The following IL1RAPL2 variants were observed in gnomAD, a reference collection of about 807,000 sequenced individuals.
IL1RAPL2 encodes interleukin 1 receptor accessory protein like 2.
In IL1RAPL2, 3 loss-of-function variants were observed where a neutral mutation model predicts 44.1. The observed-to-expected ratio is 0.07, with a 90% CI of 0.03 to 0.18. The LOEUF is 0.18. IL1RAPL2 is among the 10% of genes least tolerant of loss of function. The pLI is 1.00. For missense variants in IL1RAPL2, 391 were observed against 496.4 expected (o/e 0.79, Z 2.02); for synonymous variants, 181 against 178.8 (o/e 1.01, Z -0.10).
chrX:104,651,547 C>T (rs1350050330), intron 1 of IL1RAPL2, among the ~76,000 whole-genome samples: 1 of 111,748 alleles, frequency 8.9e-6, no homozygotes, highest in Non-Finnish European at 1.9e-5. Flanking sequence ...GGTCCCTACA[C>T]ACTGTCAGCT....
At chrX:105,737,127 G>A (rs1244511045) in intron 7 of IL1RAPL2, among the ~76,000 whole-genome samples, 1 of 111,392 alleles carries the variant, frequency 9.0e-6, no homozygotes, top group Non-Finnish European at 1.9e-5. Context: ...ACTAACACAG[G>A]AACAGAAAAC....
intron 2 of IL1RAPL2, among the ~76,000 whole-genome samples, chrX:104,906,380 G>A (rs1214219527): frequency 1.2e-4 from 13 of 110,672 alleles, no homozygotes; most frequent in Non-Finnish European, 2.3e-4. Flanking sequence ...CCTGTCTTGT[G>A]CCTGTTTTCA....
chrX:104,575,292 G>A (rs1474545504), intron 1 of IL1RAPL2, among the ~76,000 whole-genome samples: 1 of 111,275 alleles, frequency 9.0e-6, no homozygotes, highest in Non-Finnish European at 1.9e-5. Context: ...ACAAACAATT[G>A]TAATATTTGA....
intron 6 of IL1RAPL2, among the ~76,000 whole-genome samples, chrX:105,576,974 G>GA (rs1020129298): frequency 9.0e-6 from 1 of 110,976 alleles, no homozygotes; most frequent in African/African-American, 3.3e-5. Flanking sequence ...TAGTTGCAGG[G>GA]AAAAAAATTA....
intron 6 of IL1RAPL2, among the ~76,000 whole-genome samples, chrX:105,500,985 G>T (rs1030801593): frequency 9.0e-6 from 1 of 111,542 alleles, no homozygotes; most frequent in African/African-American, 3.3e-5. Flanking sequence ...TCCTGTCCCA[G>T]CATGTATAGT....
intron 2 of IL1RAPL2, among the ~76,000 whole-genome samples, chrX:104,839,909 T>G (rs1256857560): frequency 8.9e-6 from 1 of 111,872 alleles, no homozygotes; most frequent in Non-Finnish European, 1.9e-5. Flanking sequence ...TCAGTGGTGA[T>G]ATGTCCTTTA....
chrX:104,941,572 T>A lies in IL1RAPL2; in HGVS notation c.83-253903T>A, dbSNP rs764737069. On this transcript the variant is annotated intron_variant, in intron 2 of 10. Transcript: ENST00000372582. ...TTTGATTTTTTCTTGTAAATTTGTT[T>A]AAGTTCTTTGTAGATTCTGGATATT... is the stretch of plus-strand genomic sequence containing the variant. Among the ~76,000 whole-genome samples, 40 of 111,937 alleles carry A rather than the reference T, an allele frequency of 3.6e-4. No homozygotes were observed. In the South Asian group the frequency reaches 0.015, roughly 42 times the overall value.
chrX:105,676,105 T>A (rs1043123398), intron 6 of IL1RAPL2: 7 of 111,698 alleles, frequency 6.3e-5, no homozygotes, highest in African/African-American at 2.3e-4. Flanking sequence ...TTGCGTGACA[T>A]CCTTGTGCAG....
chrX:104,615,584 T>G (rs777520317), intron 1 of IL1RAPL2, among the ~76,000 whole-genome samples: 1 of 111,992 alleles, frequency 8.9e-6, no homozygotes, highest in African/African-American at 3.2e-5. Context: ...CTGCATATTA[T>G]TCCATGGTGT....
intron 5 of IL1RAPL2, among the ~76,000 whole-genome samples, chrX:105,384,369 C>G (rs1005245525): frequency 5.4e-5 from 6 of 111,586 alleles, no homozygotes. Context: ...GTAGACGATC[C>G]TTTCCCCAAT....
chrX:105,591,015 G>A (rs1446946162), intron 6 of IL1RAPL2, among the ~76,000 whole-genome samples: 1 of 110,220 alleles, frequency 9.1e-6, no homozygotes, highest in Non-Finnish European at 1.9e-5. Context: ...ACATCTGGTA[G>A]AATTTGGCTG....
At chrX:104,673,706 G>A (rs1226642779) in intron 2 of IL1RAPL2, among the ~76,000 whole-genome samples, 24 of 109,672 alleles carry the variant, frequency 2.2e-4, no homozygotes, top group Admixed American at 1.5e-3. Context: ...CCATTTTCAC[G>A]ATATTGATTC....
Position 105,758,112 on chromosome X carries a change from G to A in IL1RAPL2, c.1363+2765G>A, listed in dbSNP as rs745462179. Among the ~76,000 whole-genome samples, 4 of 111,134 alleles carry A rather than the reference G, an allele frequency of 3.6e-5. No individual in the cohort carries two copies. In the South Asian group the frequency reaches 1.5e-3, roughly 43 times the overall value. On this transcript the variant is annotated intron_variant, in intron 10 of 10. Transcript: ENST00000372582. ...AAACCTAGTTACAGTATTATAAGCTGTGTTTGTCCCTCACATCTCATTTAA... is the reference window on the plus strand; with the variant it reads ...AAACCTAGTTACAGTATTATAAGCTATGTTTGTCCCTCACATCTCATTTAA...
In IL1RAPL2 at chrX:105,667,155, A is replaced by G. The variant is rs772670117; in HGVS notation, c.773-50212A>G. 8.4e-4 allele frequency among the ~76,000 whole-genome samples: 94 copies of G among 112,139 alleles called. No individual in the cohort carries two copies. The South Asian group carries it at 0.034, about 40-fold the overall frequency. On this transcript the variant is annotated intron_variant, in intron 6 of 10. Coordinates refer to ENST00000372582, the MANE Select transcript of IL1RAPL2 (RefSeq NM_017416.2). ...GAAGAATATTTTTTTCCAATTTTAC[A>G]TATGAACAATAAACCAATAGCACAA...
chrX:105,340,232 A>G lies in IL1RAPL2; in HGVS notation c.697+72691A>G, dbSNP rs192361343. On this transcript the variant is annotated intron_variant, in intron 5 of 10. Coordinates refer to ENST00000372582, the MANE Select transcript of IL1RAPL2 (RefSeq NM_017416.2). ...TTCATCCTTCTGATTGCTCACACCA[A>G]AATTCTTGGAGTCATCCTTGACTCA... 5.0e-3 allele frequency among the ~76,000 whole-genome samples: 559 copies of G among 110,883 alleles called. 5 individuals are homozygous for G. The highest frequency in any genetic ancestry group is 0.017 in the African/African-American group (533 of 30,471).
chrX:105,083,182 C>G (rs1450298754), intron 2 of IL1RAPL2, among the ~76,000 whole-genome samples: 6 of 110,313 alleles, frequency 5.4e-5, no homozygotes, highest in Admixed American at 9.7e-5. Context: ...CTGAATCGAT[C>G]AAGCAGAAGA....
chrX:105,030,186 C>G (rs9698396), intron 2 of IL1RAPL2, among the ~76,000 whole-genome samples: 1 of 110,961 alleles, frequency 9.0e-6, no homozygotes, highest in African/African-American at 3.3e-5. Flanking sequence ...TTTCTCCCAT[C>G]CTGTAAGTTG....
chrX:105,535,513 T>C (rs1457703233), intron 6 of IL1RAPL2, among the ~76,000 whole-genome samples: 2 of 112,064 alleles, frequency 1.8e-5, no homozygotes, highest in Non-Finnish European at 3.8e-5. Context: ...TGAATGTTCA[T>C]AGCAGCTCTA....
At chrX:105,240,666 C>T (rs1356416064) in intron 4 of IL1RAPL2, among the ~76,000 whole-genome samples, 1 of 111,776 alleles carries the variant, frequency 8.9e-6, no homozygotes, top group African/African-American at 3.3e-5. Context: ...AGTAAAGACA[C>T]AGTTGACAAG....
Sources: gnomAD v4.1 joint callset for allele counts (sites outside exome capture counted in the v4.1 genomes callset) on GRCh38, gnomAD v4.1.1 for gene constraint, MANE v1.5 for transcripts, NCBI Gene and HGNC (gene_info 2026-07-23, HGNC 2026-07-21) for gene names.